Variants in LSAMP observed in about 807,000 individuals in gnomAD.
LSAMP encodes limbic system-associated membrane protein.
A neutral mutation model predicts 38.6 loss-of-function variants in LSAMP; 7 were observed. The observed-to-expected ratio is 0.18, with a 90% CI of 0.10 to 0.34. The LOEUF is 0.34. Ranked by LOEUF, LSAMP falls within the 10% of genes least tolerant of loss-of-function variation. The probability of loss-of-function intolerance (pLI) is 1.00; values close to 1 mark genes in which losing one functional copy is unlikely to be tolerated. For synonymous variants in LSAMP, 154 were observed against 166.8 expected, an observed-to-expected ratio of 0.92 and a Z score of 0.59; for missense variants, 313 against 420.0, an observed-to-expected ratio of 0.75 and a Z score of 2.23.
intron 3 of LSAMP, among the ~76,000 whole-genome samples, chr3:115,888,416 C>A (rs1440307545): frequency 6.6e-6 from 1 of 151,892 alleles, no homozygotes; most frequent in Admixed American, 6.6e-5. Context: ...TTGTTAATTA[C>A]CTCTTTAACA....
intron 2 of LSAMP, among the ~76,000 whole-genome samples, chr3:116,029,976 G>A (rs896976984): frequency 5.3e-5 from 8 of 152,020 alleles, no homozygotes; most frequent in African/African-American, 1.7e-4. Context: ...TCAAAAAGGA[G>A]GGTTAATTTG....
intron 1 of LSAMP, among the ~76,000 whole-genome samples, chr3:116,133,749 T>C (rs1709185998): frequency 6.6e-6 from 1 of 152,232 alleles, no homozygotes; most frequent in Non-Finnish European, 1.5e-5. Flanking sequence ...TCATGAAGTT[T>C]ATATTTCACT....
chr3:115,856,833 T>G (rs1236736568), intron 3 of LSAMP, among the ~76,000 whole-genome samples: 1 of 152,182 alleles, frequency 6.6e-6, no homozygotes, highest in Non-Finnish European at 1.5e-5. Flanking sequence ...TCTATGGTAT[T>G]TTTGTTATAG....
chr3:116,166,430 C>T (rs569150581), intron 1 of LSAMP, among the ~76,000 whole-genome samples: 1 of 152,290 alleles, frequency 6.6e-6, no homozygotes, highest in South Asian at 2.1e-4. Flanking sequence ...AACAAGTGGA[C>T]CCAGGCAGTC....
At chr3:116,296,753 CTCCTAT>C (rs1191948959) in intron 1 of LSAMP, among the ~76,000 whole-genome samples, 2 of 144,514 alleles carry the variant, frequency 1.4e-5, no homozygotes, top group African/African-American at 5.0e-5. Flanking sequence ...TGAGGCTCTA[CTCCTAT>C]GGGTAATACA....
intron 1 of LSAMP, among the ~76,000 whole-genome samples, chr3:116,357,508 A>G (rs1349196886): frequency 6.6e-6 from 1 of 151,264 alleles, no homozygotes; most frequent in Non-Finnish European, 1.5e-5. Context: ...TAATTAAATA[A>G]TATAATTTAA....
intron 1 of LSAMP, among the ~76,000 whole-genome samples, chr3:116,245,125 C>G (rs1019017250): frequency 7.2e-5 from 11 of 151,982 alleles, no homozygotes; most frequent in Admixed American, 7.2e-4. Flanking sequence ...TAGGGTGGGC[C>G]CTAATCAATA....
chr3:116,209,002 G>T lies in LSAMP; in HGVS notation c.156-122446C>A, dbSNP rs113956610. On this transcript the variant is annotated intron_variant, in intron 1 of 6. Transcript: ENST00000490035. ...TGGCAGGCGCCCCTCCCGGAGCCTC[G>T]CTGCCGCCTTGCAGTTTGATCTCAG... Among the ~76,000 whole-genome samples the T allele has an allele frequency of 1.8e-3, 273 of 152,264 alleles. 2 individuals carry two copies. The highest frequency in any genetic ancestry group is 5.9e-3 in the African/African-American group (244 of 41,544).
chr3:116,072,751 G>GTTTT (rs1559731710), intron 2 of LSAMP, among the ~76,000 whole-genome samples: 1 of 118,706 alleles, frequency 8.4e-6, no homozygotes, highest in Non-Finnish European at 1.8e-5. Flanking sequence ...GGTTGTTTGT[G>GTTTT]GTTTTTTTTT....
At chr3:116,082,647 C>G (rs906534896) in intron 2 of LSAMP, among the ~76,000 whole-genome samples, 1 of 152,094 alleles carries the variant, frequency 6.6e-6, no homozygotes, top group Non-Finnish European at 1.5e-5. Flanking sequence ...AAGTGCCTAT[C>G]AATGACAGAC....
At chr3:116,244,636 C>G (rs1175534723) in intron 1 of LSAMP, among the ~76,000 whole-genome samples, 1 of 152,190 alleles carries the variant, frequency 6.6e-6, no homozygotes, top group Admixed American at 6.5e-5. Context: ...TATTAATAAT[C>G]CACAGAGCAC....
chr3:116,037,871 TA>T (rs1384122080), intron 2 of LSAMP, among the ~76,000 whole-genome samples: 1 of 152,148 alleles, frequency 6.6e-6, no homozygotes, highest in East Asian at 1.9e-4. Flanking sequence ...TTCAGTGGTA[TA>T]AGCTTATTCT....
chr3:116,052,464 C>T (rs978831978), intron 2 of LSAMP, among the ~76,000 whole-genome samples: 1 of 152,088 alleles, frequency 6.6e-6, no homozygotes, highest in Non-Finnish European at 1.5e-5. Context: ...AGAAGACAAT[C>T]GTATAAAATT....
At chr3:116,217,730 G>C (rs1222351896) in intron 1 of LSAMP, among the ~76,000 whole-genome samples, 1 of 152,186 alleles carries the variant, frequency 6.6e-6, no homozygotes, top group Non-Finnish European at 1.5e-5. Flanking sequence ...CTGAGAATTT[G>C]AAAAATTAAG....
intron 1 of LSAMP, among the ~76,000 whole-genome samples, chr3:116,239,560 C>A (rs547887103): frequency 1.3e-5 from 2 of 151,938 alleles, no homozygotes; most frequent in South Asian, 4.2e-4. Flanking sequence ...CATGTTGTAC[C>A]CTAAATTAAA....
intron 3 of LSAMP, among the ~76,000 whole-genome samples, chr3:115,970,173 A>T (rs1358072761): frequency 6.6e-6 from 1 of 152,224 alleles, no homozygotes; most frequent in Non-Finnish European, 1.5e-5. Context: ...ACAGAAAATA[A>T]TAAGACCATC....
intron 1 of LSAMP, among the ~76,000 whole-genome samples, chr3:116,280,664 T>G (rs1474930405): frequency 9.2e-5 from 14 of 152,212 alleles, no homozygotes; most frequent in Non-Finnish European, 2.9e-5. Context: ...TGTGATTTAC[T>G]TACAGGAGAG....
intron 3 of LSAMP, among the ~76,000 whole-genome samples, chr3:115,886,318 C>T (rs1281692753): frequency 1.3e-5 from 2 of 151,952 alleles, no homozygotes; most frequent in African/African-American, 4.8e-5. Context: ...GTATGCTTAT[C>T]CAAACATGTA....
At chr3:116,015,291 C>T (rs965529387) in intron 3 of LSAMP, among the ~76,000 whole-genome samples, 12 of 152,040 alleles carry the variant, frequency 7.9e-5, no homozygotes, top group Non-Finnish European at 1.5e-4. Context: ...TTTCTGTGAC[C>T]CTGAGCAATC....
Sources: gnomAD v4.1 joint callset for allele counts (sites outside exome capture counted in the v4.1 genomes callset) on GRCh38, gnomAD v4.1.1 for gene constraint, MANE v1.5 for transcripts, NCBI Gene and HGNC (gene_info 2026-07-23, HGNC 2026-07-21) for gene names.